BRINP1: variants seen among roughly 807,000 people sequenced by gnomAD.
BRINP1 encodes BMP/retinoic acid-inducible neural-specific protein 1.
In BRINP1, 17 loss-of-function variants were observed where a neutral mutation model predicts 72.9. That is an observed-to-expected ratio of 0.23 (90% CI 0.16 to 0.35). The LOEUF (loss-of-function observed/expected upper bound fraction) is 0.35, where lower values mean the gene tolerates loss of function less well. Among genes scored for constraint, BRINP1 ranks in the 10% least tolerant of loss-of-function variants. The pLI, the probability that BRINP1 is intolerant of heterozygous loss-of-function variation, is 1.00. For synonymous variants in BRINP1, 418 were observed against 378.5 expected, an observed-to-expected ratio of 1.10 and a Z score of -1.21; for missense variants, 850 against 1,001.6, an observed-to-expected ratio of 0.85 and a Z score of 2.04.
At chr9:119,237,310 T>C (rs1403468313) in intron 5 of BRINP1, among the ~76,000 whole-genome samples, 1 of 151,478 alleles carries the variant, frequency 6.6e-6, no homozygotes, top group Non-Finnish European at 1.5e-5. Context: ...GATCCAGAAG[T>C]AAGCTCTTCT....
intron 2 of BRINP1, among the ~76,000 whole-genome samples, chr9:119,308,438 C>T (rs1831021603): frequency 6.6e-6 from 1 of 152,182 alleles, no homozygotes; most frequent in African/African-American, 2.4e-5. Context: ...TCCTGTTCAT[C>T]ACAAGATAAA....
At chr9:119,345,055 C>T (rs1417090386) in intron 1 of BRINP1, among the ~76,000 whole-genome samples, 1 of 152,170 alleles carries the variant, frequency 6.6e-6, no homozygotes, top group Non-Finnish European at 1.5e-5. Flanking sequence ...ATCCAGATGG[C>T]AGCCTAATCT....
Position 119,248,950 on chromosome 9 carries a change from G to A in BRINP1, c.409+10C>T. The stretch of plus-strand genomic sequence containing the variant: ...ATGAGAAGGCTCTGGCCCAGTGGCT[G>A]CTGACCTACCTCCCAATGTGGCTGA... On this transcript the variant is annotated intron_variant, in intron 3 of 7. Coordinates refer to ENST00000265922, the MANE Select transcript of BRINP1 (RefSeq NM_014618.3). 1 of 1,606,894 alleles carries A rather than the reference G, an allele frequency of 6.2e-7. No homozygotes were observed. Among genetic ancestry groups the A allele is most frequent in the Non-Finnish European group, 8.5e-7 (1 of 1,174,702 alleles).
chr9:119,250,405 G>T (rs1356902896), intron 2 of BRINP1, among the ~76,000 whole-genome samples: 12 of 152,114 alleles, frequency 7.9e-5, no homozygotes, highest in Admixed American at 6.5e-4. Flanking sequence ...ACCAAATTTG[G>T]AAGTCCAAGT....
At chr9:119,317,994 A>G (rs1226969963) in intron 1 of BRINP1, among the ~76,000 whole-genome samples, 6 of 152,250 alleles carry the variant, frequency 3.9e-5, no homozygotes, top group Non-Finnish European at 7.3e-5. Flanking sequence ...AATTGGGGTG[A>G]TTCAATTTAT....
chr9:119,250,921 C>T (rs1458502961), intron 2 of BRINP1, among the ~76,000 whole-genome samples: 2 of 152,000 alleles, frequency 1.3e-5, no homozygotes, highest in South Asian at 2.1e-4. Flanking sequence ...ATGGGAGAGA[C>T]GAATGAGGAA....
At chr9:119,259,576 C>T (rs959892443) in intron 2 of BRINP1, among the ~76,000 whole-genome samples, 7 of 152,058 alleles carry the variant, frequency 4.6e-5, no homozygotes, top group Non-Finnish European at 7.4e-5. Context: ...TGTGAAAGAG[C>T]GACTCATAAC....
intron 5 of BRINP1, among the ~76,000 whole-genome samples, chr9:119,217,462 G>A (rs1045140345): frequency 1.3e-5 from 2 of 152,108 alleles, no homozygotes; most frequent in African/African-American, 4.8e-5. Flanking sequence ...CAATAGTTGA[G>A]AGTTTTATTT....
intron 7 of BRINP1, among the ~76,000 whole-genome samples, chr9:119,174,722 A>G (rs1394360472): frequency 1.6e-4 from 25 of 151,578 alleles, no homozygotes; most frequent in Non-Finnish European, 3.1e-4. Flanking sequence ...CAACCCAAAT[A>G]TCCAACAATG....
intron 7 of BRINP1, among the ~76,000 whole-genome samples, chr9:119,180,818 C>T (rs771084802): frequency 1.2e-4 from 19 of 152,062 alleles, no homozygotes; most frequent in Admixed American, 2.6e-4. Flanking sequence ...GAAAATGTTA[C>T]GGTCCCTTGT....
Position 119,214,146 on chromosome 9 carries a change from A to G in BRINP1, c.695T>C (p.Ile232Thr), listed in dbSNP as rs775918683. 1 of 1,612,516 alleles carries G rather than the reference A, an allele frequency of 6.2e-7. No homozygotes were observed. The highest frequency in any genetic ancestry group is 8.5e-7 in the Non-Finnish European group (1 of 1,178,520). The change falls in exon 6 of 8, where the codon ATA becomes ACA. Residue 232 changes from isoleucine to threonine, a missense_variant. Physicochemically the swap from Ile to Thr is moderately conservative, Grantham distance 89 (BLOSUM62 -1). Transcript: ENST00000265922. ...CTCTTGCAGATACTGAGGAAAGATT[A>G]TCTGAAGACCTGTGTGAGAATAGCA... ...ESKLHLQGLQIIFPQYLQEKF... is the reference protein window; with the variant it reads ...ESKLHLQGLQTIFPQYLQEKF...
chr9:119,206,121 G>A (rs10984439), intron 7 of BRINP1, among the ~76,000 whole-genome samples: 30,701 of 151,950 alleles, frequency 0.2, 3,243 homozygotes, highest in Non-Finnish European at 0.24. Flanking sequence ...ATCCTCTTAA[G>A]AGAGGATATT....
intron 2 of BRINP1, among the ~76,000 whole-genome samples, chr9:119,309,944 G>C (rs1056731519): frequency 1.3e-5 from 2 of 152,152 alleles, no homozygotes; most frequent in African/African-American, 2.4e-5. Context: ...GTATGAGTGA[G>C]TGAGTGCTGC....
chr9:119,287,746 A>T (rs949594583), intron 2 of BRINP1, among the ~76,000 whole-genome samples: 1 of 152,352 alleles, frequency 6.6e-6, no homozygotes, highest in East Asian at 1.9e-4. Context: ...ATCTGCACAA[A>T]TGATGGCAAA....
rs749615155 is a variant in BRINP1, at chr9:119,214,084, T to G, written c.757A>C (p.Asn253His). ...VQSALSYIMC[N>H]GEGEYLCQNS... is the part of the protein sequence containing the mutation. ...TGGCACAGGTACTCCCCCTCCCCAT[T>G]GCACATGATATAGCTCAAGGCCGAC... Residue 253 changes from asparagine to histidine, a missense_variant, in exon 6 of 8, where the codon AAT becomes CAT. By Grantham distance (68) the Asn-to-His change is moderately conservative. Coordinates refer to ENST00000265922, the MANE Select transcript of BRINP1 (RefSeq NM_014618.3). 5 of 1,614,028 alleles carry G rather than the reference T, an allele frequency of 3.1e-6. No homozygotes were observed. In the Admixed American group the frequency reaches 6.7e-5, roughly 22 times the overall value.
chr9:119,202,607 C>A (rs1383964039), intron 7 of BRINP1, among the ~76,000 whole-genome samples: 1 of 152,166 alleles, frequency 6.6e-6, no homozygotes, highest in Admixed American at 6.5e-5. Flanking sequence ...GCAAGACAAG[C>A]CACAGGAATC....
intron 5 of BRINP1, among the ~76,000 whole-genome samples, chr9:119,232,747 T>A (rs929522735): frequency 6.6e-6 from 1 of 152,022 alleles, no homozygotes; most frequent in Non-Finnish European, 1.5e-5. Flanking sequence ...AGCAAAATAT[T>A]CTCTCTGCAT....
intron 7 of BRINP1, among the ~76,000 whole-genome samples, chr9:119,168,926 A>T (rs1829362571): frequency 1.3e-5 from 2 of 152,212 alleles, no homozygotes; most frequent in African/African-American, 4.8e-5. Flanking sequence ...CAGTGTGGCG[A>T]TTCCTCAAGG....
intron 7 of BRINP1, among the ~76,000 whole-genome samples, chr9:119,189,339 T>C (rs1352827970): frequency 3.3e-5 from 5 of 152,048 alleles, no homozygotes; most frequent in Admixed American, 1.3e-4. Flanking sequence ...AATAATGACA[T>C]TAACTGTAAA....
Sources: gnomAD v4.1 joint callset for allele counts (sites outside exome capture counted in the v4.1 genomes callset) on GRCh38, gnomAD v4.1.1 for gene constraint, MANE v1.5 for transcripts, NCBI Gene and HGNC (gene_info 2026-07-23, HGNC 2026-07-21) for gene names.